The following SGF29 variants were observed in gnomAD, a reference collection of about 807,000 sequenced individuals.
SGF29 encodes the protein SAGA-associated factor 29.
Under a neutral mutation model 38.1 loss-of-function variants are expected in SGF29, and 15 were observed. The observed-to-expected ratio is 0.39, with a 90% CI of 0.26 to 0.61. The LOEUF (loss-of-function observed/expected upper bound fraction) is 0.61. Among genes scored for constraint, SGF29 ranks in the 20% least tolerant of loss-of-function variants. The pLI is 0.49. For missense variants in SGF29, 184 were observed against 394.6 expected (o/e 0.47, Z 4.52); for synonymous variants, 151 against 160.8 (o/e 0.94, Z 0.46).
intron 1 of SGF29, among the ~76,000 whole-genome samples, chr16:28,556,464 C>T (rs2046752141): frequency 1.3e-5 from 2 of 152,186 alleles, no homozygotes; most frequent in Non-Finnish European, 2.9e-5. Flanking sequence ...TCTCCTGCCT[C>T]AGCCTTCCAA....
At chr16:28,564,685 G>GTATATATATATACATATATA (rs1434333961) in intron 1 of SGF29, among the ~76,000 whole-genome samples, 10 of 71,186 alleles carry the variant, frequency 1.4e-4, no homozygotes, top group African/African-American at 1.7e-4. Context: ...GTATATATAT[G>GTATATATATATACATATATA]TGTATATATA....
At chr16:28,564,792 C>A (rs1242268433) in intron 1 of SGF29, among the ~76,000 whole-genome samples, 2 of 125,866 alleles carry the variant, frequency 1.6e-5, no homozygotes, top group Admixed American at 9.0e-5. Context: ...TATATACACA[C>A]ACACACACAC....
At chr16:28,579,870 G>T (rs113422165) in intron 1 of SGF29, among the ~76,000 whole-genome samples, 28 of 152,042 alleles carry the variant, frequency 1.8e-4, no homozygotes, top group Non-Finnish European at 1.5e-4. Context: ...GGCAGAGATT[G>T]CAGTGAGCCA....
intron 4 of SGF29, 31 bp downstream of exon 4, chr16:28,585,751 T>G (rs764223595): frequency 6.3e-7 from 1 of 1,599,052 alleles, no homozygotes; most frequent in Non-Finnish European, 8.6e-7. Context: ...TCATCGCCGC[T>G]CCCTCCTTTC....
intron 1 of SGF29, among the ~76,000 whole-genome samples, chr16:28,570,821 G>T (rs193628): frequency 0.42 from 63,238 of 151,644 alleles, 14,387 homozygotes; most frequent in East Asian, 0.71. Context: ...CAAGTGATTC[G>T]CCCACCTTGG....
rs1342992787 is a variant in SGF29 at position 28,585,663 on chromosome 16, G to A, written c.167G>A (p.Arg56Gln). ...TCCTCTGCAGTTTCTCCCTATTACC[G>A]GACAAAGCTGCGTGGCCTCTACACA... ...QTENKISPYY[R>Q]TKLRGLYTTA... The change falls in exon 4 of 10, where the codon CGG becomes CAG. Residue 56 changes from arginine (R) to glutamine (Q), a missense_variant. By Grantham distance (43) the Arg-to-Gln change is conservative. Transcript: ENST00000317058. The A allele has an allele frequency of 3.1e-6, 5 of 1,614,106 alleles. No individual in the cohort carries two copies. Among genetic ancestry groups the A allele is most frequent in the Admixed American group, 1.7e-5 (1 of 60,026 alleles).
rs1229908039 is a variant in SGF29 at position 28,564,655 on chromosome 16, GTA to G, written c.-16+10566_-16+10567del. 1.6e-4 allele frequency among the ~76,000 whole-genome samples: 11 copies of G among 67,662 alleles called. 1 individual carries two copies. Among genetic ancestry groups the G allele is most frequent in the African/African-American group, 4.2e-4 (8 of 19,048 alleles). The allele number at this position is 67,662 out of a possible 152,430, so 44.4% of individuals were successfully genotyped here. On this transcript the variant is annotated intron_variant, in intron 1 of 9. Coordinates refer to ENST00000317058, the MANE Select transcript of SGF29 (RefSeq NM_138414.3). Reference sequence around the variant, plus strand: ...TATACGTATATATGTGTATATATACGTATATATATGCATATATATGTATATAT... The same window carrying G: ...TATACGTATATATGTGTATATATACGTATATATGCATATATATGTATATAT...
intron 1 of SGF29, among the ~76,000 whole-genome samples, chr16:28,578,513 T>G (rs1034463133): frequency 6.6e-6 from 1 of 152,098 alleles, no homozygotes; most frequent in Non-Finnish European, 1.5e-5. Flanking sequence ...TTACCCTCTA[T>G]TCCTAGTTTG....
intron 1 of SGF29, among the ~76,000 whole-genome samples, chr16:28,579,984 G>A (rs762067818): frequency 1.3e-5 from 2 of 151,974 alleles, no homozygotes; most frequent in Non-Finnish European, 2.9e-5. Context: ...AGCGTTTTAT[G>A]ACTTGGAAAG....
At chr16:28,554,750 C>T (rs1295903690) in intron 1 of SGF29, among the ~76,000 whole-genome samples, 1 of 152,186 alleles carries the variant, frequency 6.6e-6, no homozygotes, top group Non-Finnish European at 1.5e-5. Flanking sequence ...GTCTTGAACC[C>T]TTGAGCCTCT....
chr16:28,567,109 A>G (rs1021208875), intron 1 of SGF29, among the ~76,000 whole-genome samples: 1 of 152,184 alleles, frequency 6.6e-6, no homozygotes, highest in South Asian at 2.1e-4. Context: ...TAACTTCAGT[A>G]TGATTTTTTA....
At chr16:28,554,883 G>C (rs556741682) in intron 1 of SGF29, among the ~76,000 whole-genome samples, 1 of 152,326 alleles carries the variant, frequency 6.6e-6, no homozygotes, top group African/African-American at 2.4e-5. Flanking sequence ...TGATGCTGTG[G>C]ATCACTGCCC....
At chr16:28,585,765 G>C (rs200251883) in intron 4 of SGF29, 45 bp downstream of exon 4, 7 of 1,566,408 alleles carry the variant, frequency 4.5e-6, no homozygotes, top group African/African-American at 4.1e-5. Context: ...TCCTTTCCTG[G>C]GGGCTGGGCT....
intron 4 of SGF29, chr16:28,588,794 C>T (rs1212768030): frequency 5.6e-6 from 2 of 356,780 alleles, no homozygotes; most frequent in Non-Finnish European, 1.1e-5. Flanking sequence ...TGGTCTTGAA[C>T]TCCTGACCTC....
At chr16:28,569,037 G>A (rs939410302) in intron 1 of SGF29, among the ~76,000 whole-genome samples, 1 of 151,802 alleles carries the variant, frequency 6.6e-6, no homozygotes, top group African/African-American at 2.4e-5. Context: ...GCAGTGAGCC[G>A]AGATCACACC....
chr16:28,556,623 AG>A (rs979605068), intron 1 of SGF29, among the ~76,000 whole-genome samples: 26 of 152,000 alleles, frequency 1.7e-4, no homozygotes, highest in African/African-American at 5.8e-4. Flanking sequence ...CTGGGATTAC[AG>A]GTGTGAGCCA....
At chr16:28,565,273 C>T (rs544847119) in intron 1 of SGF29, among the ~76,000 whole-genome samples, 1 of 152,298 alleles carries the variant, frequency 6.6e-6, no homozygotes, top group South Asian at 2.1e-4. Context: ...CACAGACACA[C>T]CCAGGAACAG....
rs559566970 is a variant in SGF29 at position 28,590,381 on chromosome 16, G to A, written c.505G>A (p.Val169Met). Residue 169 changes from valine to methionine, a missense_variant, in exon 7 of 10, where the codon GTG (valine) becomes ATG (methionine). Physicochemically the swap from Val to Met is conservative, Grantham distance 21 (BLOSUM62 1). Around this residue, in one of 2 missense-constraint regions of SGF29, gnomAD observed 107 missense variants for 276.9 expected, o/e 0.39. Transcript: ENST00000317058. This position sits in a 1 kb window ranked among gnomAD's most constrained non-coding sequence, Gnocchi z 8.2. ...GDKVAARVKAVDGDEQWILAE... is the reference protein window; with the variant it reads ...GDKVAARVKAMDGDEQWILAE... The stretch of plus-strand genomic sequence containing the variant: ...CAAGGTGGCTGCCCGGGTGAAGGCC[G>A]TGGATGGGGACGAGCAGTGGATCCT... 4.9e-5 allele frequency: 79 copies of A among 1,613,894 alleles called. No individual in the cohort carries two copies. Among genetic ancestry groups the A allele is most frequent in the South Asian group, 3.0e-4 (27 of 91,068 alleles).
chr16:28,589,216 G>A, intron 5 of SGF29, 52 bp downstream of exon 5: 1 of 1,595,844 alleles, frequency 6.3e-7, no homozygotes, highest in Non-Finnish European at 8.6e-7. Flanking sequence ...AAGAGGAGAG[G>A]CCCTGCGGGC....
Sources: allele counts gnomAD v4.1 joint callset (sites outside exome capture counted in the v4.1 genomes callset), GRCh38; gene constraint gnomAD v4.1.1; regional missense constraint gnomAD v4.1.1; non-coding constraint Gnocchi (gnomAD v3.1); transcripts MANE v1.5; gene names NCBI Gene and HGNC (gene_info 2026-07-23, HGNC 2026-07-21).